The following RAB28 variants were observed in gnomAD, a reference collection of about 807,000 sequenced individuals.
The protein encoded by RAB28 is RAB28, member RAS oncogene family.
A neutral mutation model predicts 31.7 loss-of-function variants in RAB28; 24 were observed. The observed-to-expected ratio is 0.76, with a 90% CI of 0.55 to 1.06. RAB28 has a LOEUF of 1.06. Ranked by LOEUF, RAB28 falls within the 50% of genes least tolerant of loss-of-function variation. The pLI, the probability that RAB28 is intolerant of heterozygous loss-of-function variation, is 0.00. For missense variants in RAB28, 254 were observed against 258.5 expected (o/e 0.98, Z 0.12); for synonymous variants, 100 against 90.4 (o/e 1.11, Z -0.60).
At chr4:13,459,641 T>C in intron 4 of RAB28, 1 of 582,394 alleles carries the variant, frequency 1.7e-6, no homozygotes, top group Non-Finnish European at 2.2e-6. Flanking sequence ...AAACCCATAA[T>C]TTTTACCAAG....
At chr4:13,471,273 T>C (rs762151403) in intron 3 of RAB28, among the ~76,000 whole-genome samples, 1 of 152,094 alleles carries the variant, frequency 6.6e-6, no homozygotes, top group South Asian at 2.1e-4. Context: ...TATATAAAGA[T>C]ATTGAGCTTA....
chr4:13,386,251 T>C (rs1359039784), intron 4 of RAB28, among the ~76,000 whole-genome samples: 1 of 151,768 alleles, frequency 6.6e-6, no homozygotes, highest in East Asian at 1.9e-4. Flanking sequence ...AAACAAAAAT[T>C]TACAAATGGT....
At chr4:13,425,065 T>C (rs549246931) in intron 4 of RAB28, among the ~76,000 whole-genome samples, 5 of 152,284 alleles carry the variant, frequency 3.3e-5, no homozygotes, top group African/African-American at 1.2e-4. Flanking sequence ...AAGAAATGAG[T>C]TGTTGCTAAA....
In RAB28 at chr4:13,373,345, G is replaced by A. The variant is rs55778430; in HGVS notation, c.573+3200C>T. Among the ~76,000 whole-genome samples the A allele has an allele frequency of 2.7e-3, 413 of 152,268 alleles. 5 individuals carry two copies. Among genetic ancestry groups the A allele is most frequent in the African/African-American group, 9.4e-3 (392 of 41,564 alleles). On this transcript the variant is annotated intron_variant, in intron 6 of 6. Coordinates refer to ENST00000330852, the MANE Select transcript of RAB28 (RefSeq NM_001017979.3). ...CAGTATCAATTCTTACACTACCTTA[G>A]AGGATAATGGTTGGTAGTGGAGAAG...
chr4:13,401,453 C>A (rs1711747410), intron 4 of RAB28, among the ~76,000 whole-genome samples: 1 of 152,030 alleles, frequency 6.6e-6, no homozygotes, highest in Non-Finnish European at 1.5e-5. Flanking sequence ...TGCAGCAAAC[C>A]ACTATGGCAT....
At chr4:13,421,999 C>T (rs1376793432) in intron 4 of RAB28, among the ~76,000 whole-genome samples, 3 of 151,776 alleles carry the variant, frequency 2.0e-5, no homozygotes, top group Non-Finnish European at 4.4e-5. Flanking sequence ...TGCAGTCTAC[C>T]CATTTGACAA....
chr4:13,480,853 TTTC>T (rs760825362), intron 1 of RAB28, among the ~76,000 whole-genome samples: 1 of 151,936 alleles, frequency 6.6e-6, no homozygotes, highest in African/African-American at 2.4e-5. Flanking sequence ...AAGATAGGTA[TTTC>T]TTTTTACAGA....
chr4:13,465,706 G>GA (rs1268329113), intron 3 of RAB28, among the ~76,000 whole-genome samples: 2 of 147,000 alleles, frequency 1.4e-5, no homozygotes, highest in African/African-American at 5.1e-5. Context: ...CTCTACATAG[G>GA]AAAAAAATGA....
chr4:13,422,017 A>G (rs985290908), intron 4 of RAB28, among the ~76,000 whole-genome samples: 1 of 152,108 alleles, frequency 6.6e-6, no homozygotes, highest in Non-Finnish European at 1.5e-5. Flanking sequence ...CAAAAGGCTA[A>G]TATCTAGAAT....
At chr4:13,412,048 T>G (rs1385975615) in intron 4 of RAB28, among the ~76,000 whole-genome samples, 1 of 151,808 alleles carries the variant, frequency 6.6e-6, no homozygotes, top group African/African-American at 2.4e-5. Context: ...AAATGAAAAT[T>G]TCTCCTTTGC....
At chr4:13,455,641 C>G (rs1052140756) in intron 4 of RAB28, among the ~76,000 whole-genome samples, 1 of 152,228 alleles carries the variant, frequency 6.6e-6, no homozygotes, top group Non-Finnish European at 1.5e-5. Flanking sequence ...GTGAGGAATG[C>G]ACATCTTGTG....
chr4:13,428,264 A>G (rs138919476), intron 4 of RAB28, among the ~76,000 whole-genome samples: 2,558 of 152,278 alleles, frequency 0.017, 70 homozygotes, highest in African/African-American at 0.058. Flanking sequence ...TGGGCATAAG[A>G]CAATATGAGG....
At chr4:13,465,691 C>T (rs147630617) in intron 3 of RAB28, among the ~76,000 whole-genome samples, 290 of 150,380 alleles carry the variant, frequency 1.9e-3, no homozygotes, top group Non-Finnish European at 2.1e-3. Context: ...GGGTCAGAAA[C>T]TAAACTCTAC....
At chr4:13,369,661 T>C (rs945319144) in intron 6 of RAB28, among the ~76,000 whole-genome samples, 3 of 152,132 alleles carry the variant, frequency 2.0e-5, no homozygotes, top group Admixed American at 6.6e-5. Context: ...ACTGAAATGT[T>C]ATTTTAATTT....
chr4:13,474,226 A>ATG (rs377752818), intron 3 of RAB28, 92 bp downstream of exon 3: 54 of 849,180 alleles, frequency 6.4e-5, no homozygotes, highest in Middle Eastern at 4.4e-4. Flanking sequence ...GTTAGAAAGA[A>ATG]TGTGTGTGTG....
chr4:13,435,597 G>A (rs543081996), intron 4 of RAB28, among the ~76,000 whole-genome samples: 1 of 152,106 alleles, frequency 6.6e-6, no homozygotes, highest in East Asian at 1.9e-4. Context: ...CTGCAAACAC[G>A]TCCATGTGCA....
chr4:13,484,252 AC>A lies in RAB28; in HGVS notation c.-103del. On this transcript the variant is annotated 5_prime_UTR_variant, in exon 1 of 7. Coordinates refer to ENST00000330852, the MANE Select transcript of RAB28 (RefSeq NM_001017979.3). Reference sequence around the variant, plus strand: ...GAGGAAGGGAGGTAGTTGCGGCAGGACCCCCGCCCCGGTGTCTCCGCGCCGG... The same window carrying A: ...GAGGAAGGGAGGTAGTTGCGGCAGGACCCCGCCCCGGTGTCTCCGCGCCGG... The A allele has an allele frequency of 3.4e-6, 3 of 880,548 alleles. No individual in the cohort carries two copies. The highest frequency in any genetic ancestry group is 5.5e-6 in the Non-Finnish European group (3 of 549,160). 54.5% of individuals were successfully genotyped at this position (880,548 alleles called of 1,614,324 possible). A position where few individuals can be genotyped will look rare whatever the true frequency, so the allele number is the denominator to read the frequency against.
chr4:13,394,028 TAGAA>T (rs887907055), intron 4 of RAB28, among the ~76,000 whole-genome samples: 3 of 152,052 alleles, frequency 2.0e-5, no homozygotes, highest in African/African-American at 4.8e-5. Context: ...ATTAATGAGG[TAGAA>T]AGAATAAGTG....
At chr4:13,416,245 C>T (rs1712773562) in intron 4 of RAB28, among the ~76,000 whole-genome samples, 1 of 152,178 alleles carries the variant, frequency 6.6e-6, no homozygotes, top group Admixed American at 6.5e-5. Context: ...CTTGCTGCTG[C>T]TCACTCTTTT....
Sources: gnomAD v4.1 joint callset for allele counts (sites outside exome capture counted in the v4.1 genomes callset) on GRCh38, gnomAD v4.1.1 for gene constraint, MANE v1.5 for transcripts, NCBI Gene and HGNC (gene_info 2026-07-23, HGNC 2026-07-21) for gene names.